ATG16L2: variants seen among roughly 807,000 people sequenced by gnomAD.
ATG16L2 encodes autophagy related 16 like 2, also known as protein Atg16l2.
A neutral mutation model predicts 84.7 loss-of-function variants in ATG16L2; 77 were observed. That is an observed-to-expected ratio of 0.91 (90% CI 0.76 to 1.10). ATG16L2 has a LOEUF of 1.10. Ranked by LOEUF, ATG16L2 falls within the 50% of genes least tolerant of loss-of-function variation. The probability of loss-of-function intolerance (pLI) is 0.00; values close to 1 mark genes in which losing one functional copy is unlikely to be tolerated. For missense variants in ATG16L2, 782 were observed against 817.6 expected (o/e 0.96, Z 0.53); for synonymous variants, 361 against 342.8 (o/e 1.05, Z -0.59).
At chr11:72,825,455 C>T in intron 10 of ATG16L2, 48 bp downstream of exon 10, 1 of 1,399,876 alleles carries the variant, frequency 7.1e-7, no homozygotes, top group Non-Finnish European at 1.0e-6. Flanking sequence ...TCTCCAGACC[C>T]TCTCCTCAGC....
At chr11:72,828,280 C>G in intron 14 of ATG16L2, 79 bp from the exon 15 acceptor site, 1 of 1,541,138 alleles carries the variant, frequency 6.5e-7, no homozygotes, top group Non-Finnish European at 8.9e-7. Context: ...GCTAGGAAGG[C>G]TGCTGCGCCT....
chr11:72,818,019 A>G, intron 3 of ATG16L2, 164 bp downstream of exon 3: 1 of 663,688 alleles, frequency 1.5e-6, no homozygotes, highest in South Asian at 1.9e-5. Flanking sequence ...AGCAGGGGTC[A>G]GAGTGCCCTG....
Position 72,829,299 on chromosome 11 carries a change from C to G in ATG16L2, c.1773-4C>G. 6.2e-7 allele frequency: 1 copy of G among 1,612,820 alleles called. No individual in the cohort carries two copies. The highest frequency in any genetic ancestry group is 8.5e-7 in the Non-Finnish European group (1 of 1,179,412). ...CCCTGAAGCCTGCCCCTCCCTTTCC[C>G]CAGCGCTGCCGTCAACGCCGTGGCC... is the stretch of plus-strand genomic sequence containing the variant. On this transcript the variant is annotated splice_polypyrimidine_tract_variant and splice_region_variant and intron_variant, in intron 17 of 17. Coordinates refer to ENST00000321297, the MANE Select transcript of ATG16L2 (RefSeq NM_033388.2).
chr11:72,835,747 ATT>A (rs112275640), intron 5 of ATG16L2, among the ~76,000 whole-genome samples: 40 of 139,368 alleles, frequency 2.9e-4, no homozygotes, highest in Middle Eastern at 3.8e-3. Context: ...ACTGGAACAT[ATT>A]TTTTTTTTTT....
Position 72,826,573 on chromosome 11 carries a change from G to A in ATG16L2, c.1229G>A (p.Gly410Glu), listed in dbSNP as rs770985644. 12 of 1,614,038 alleles carry A rather than the reference G, an allele frequency of 7.4e-6. No individual in the cohort carries two copies. In the South Asian group the frequency reaches 9.9e-5, roughly 13 times the overall value. The change falls in exon 12 of 18, where the codon GGG becomes GAG. Residue 410 changes from glycine to glutamate, a missense_variant. Transcript: ENST00000321297. ...YNQAAQLWKV[G>E]EAQSKETLSG... The stretch of plus-strand genomic sequence containing the variant: ...CAGGCTGCCCAGCTCTGGAAGGTGG[G>A]GGAGGCACAGTCCAAGGTGAGGCCT...
chr11:72,816,658 G>A, intron 1 of ATG16L2, 70 bp from the exon 2 acceptor site: 1 of 1,304,216 alleles, frequency 7.7e-7, no homozygotes, highest in East Asian at 2.3e-5. Context: ...TTTAGCCGGA[G>A]ATAAATTGCA....
chr11:72,824,648 A>C, intron 8 of ATG16L2, 86 bp from the exon 9 acceptor site: 1 of 956,578 alleles, frequency 1.0e-6, no homozygotes, highest in Non-Finnish European at 1.7e-6. Flanking sequence ...TCTGCTTCCT[A>C]TGGTTGATGC....
rs1248928500 is a variant in ATG16L2, at chr11:72,824,110, A to C, written c.875A>C (p.Lys292Thr). The C allele has an allele frequency of 3.1e-6, 5 of 1,614,046 alleles. No individual in the cohort carries two copies. Among genetic ancestry groups the C allele is most frequent in the Non-Finnish European group, 4.2e-6 (5 of 1,180,030 alleles). ...CTGTCCCACTGTGTGGATGTGGTGA[A>C]GGGGCTTCTGGAGTAAGTGTGTGTG... Reference protein sequence around the residue: ...LTLSHCVDVVKGLLDFKKRRG... With the variant: ...LTLSHCVDVVTGLLDFKKRRG... Residue 292 changes from lysine to threonine, a missense_variant, in exon 8 of 18, where the codon AAG becomes ACG. Coordinates refer to ENST00000321297, the MANE Select transcript of ATG16L2 (RefSeq NM_033388.2).
chr11:72,843,668 T>C, exon 6 of ATG16L2: 1 of 641,028 alleles, frequency 1.6e-6, no homozygotes. Context: ...ATTTAAATGC[T>C]GTAAAACTTT....
chr11:72,828,307 G>A, intron 14 of ATG16L2, 52 bp from the exon 15 acceptor site: 3 of 1,602,390 alleles, frequency 1.9e-6, no homozygotes, highest in Non-Finnish European at 2.6e-6. Flanking sequence ...TTCCTGTCAG[G>A]AGTGGCCTGG....
chr11:72,830,979 A>G (rs1860594410), downstream of ATG16L2, among the ~76,000 whole-genome samples: 1 of 152,042 alleles, frequency 6.6e-6, no homozygotes, highest in African/African-American at 2.4e-5. Context: ...CTTTCTTCCC[A>G]GAATGTTCTC....
At chr11:72,823,947 A>C in intron 7 of ATG16L2, 113 bp from the exon 8 acceptor site, 2 of 1,192,590 alleles carry the variant, frequency 1.7e-6, no homozygotes, top group Non-Finnish European at 2.5e-6. Flanking sequence ...TTCTTATCCC[A>C]GACTTGAGAG....
intron 11 of ATG16L2, 29 bp from the exon 12 acceptor site, chr11:72,826,489 A>G (rs1591311341): frequency 6.2e-7 from 1 of 1,612,928 alleles, no homozygotes; most frequent in Non-Finnish European, 8.5e-7. Flanking sequence ...CCGGCTTAGC[A>G]CCTCTCACTT....
In ATG16L2 at chr11:72,822,595, C is replaced by A; in HGVS notation, c.710+52C>A. On this transcript the variant is annotated intron_variant, in intron 6 of 17. Transcript: ENST00000321297. The surrounding 1 kb of genome is among the most constrained non-coding windows in gnomAD (Gnocchi z 4.2). ...CCCTTGCGTTCTGCCTCCCGCCCCG[C>A]CTGCCTGCGGCGACCCAGGCTGCCG... 6.3e-7 allele frequency: 1 copy of A among 1,594,628 alleles called. No individual in the cohort carries two copies. Among genetic ancestry groups the A allele is most frequent in the South Asian group, 1.1e-5 (1 of 88,944 alleles).
At chr11:72,827,538 A>G (rs1260285286) in intron 14 of ATG16L2, among the ~76,000 whole-genome samples, 1 of 152,182 alleles carries the variant, frequency 6.6e-6, no homozygotes, top group African/African-American at 2.4e-5. Context: ...CAAGATGGAG[A>G]TGTACCTTTT....
intron 1 of ATG16L2, 30 bp downstream of exon 1, chr11:72,814,593 C>T (rs1389846621): frequency 1.3e-6 from 2 of 1,513,096 alleles, no homozygotes; most frequent in African/African-American, 1.4e-5. Context: ...GAGAGGATGG[C>T]GGCTGAGGGG....
In ATG16L2 at chr11:72,827,220, A is replaced by G; in HGVS notation, c.1399A>G (p.Asn467Asp). 6.2e-7 allele frequency: 1 copy of G among 1,613,994 alleles called. No individual in the cohort carries two copies. ...GACCATCAATGTCCTTTCCTACTGT[A>G]ATGACGTGGTGTGTGGGGACCATAT... ...SRTINVLSYC[N>D]DVVCGDHIII... Residue 467 changes from asparagine to aspartate, a missense_variant, in exon 14 of 18, where the codon AAT becomes GAT. Transcript: ENST00000321297.
In ATG16L2 at chr11:72,827,175, G is replaced by T. The variant is rs765101251; in HGVS notation, c.1367-13G>T. On this transcript the variant is annotated splice_polypyrimidine_tract_variant and intron_variant, in intron 13 of 17. Transcript: ENST00000321297. ...CTCCTCTGAGGCCCTGGGGTCTGCT[G>T]CTTGGTCCCCAGGCTCCAGGACCAT... 3 of 1,603,908 alleles carry T rather than the reference G, an allele frequency of 1.9e-6. No individual in the cohort carries two copies. The Admixed American group carries it at 5.0e-5, about 27-fold the overall frequency.
downstream of ATG16L2, among the ~76,000 whole-genome samples, chr11:72,830,788 T>TATTC (rs111478080): frequency 0.99 from 149,838 of 151,948 alleles, 73,883 homozygotes; most frequent in East Asian, 1. Context: ...ATTTCCTTGC[T>TATTC]ATTCATTCAT....
Sources: allele counts gnomAD v4.1 joint callset (sites outside exome capture counted in the v4.1 genomes callset), GRCh38; gene constraint gnomAD v4.1.1; non-coding constraint Gnocchi (gnomAD v3.1); transcripts MANE v1.5; gene names NCBI Gene and HGNC (gene_info 2026-07-23, HGNC 2026-07-21).